Variants in PPP6R3 observed in about 807,000 individuals in gnomAD.
PPP6R3 encodes serine/threonine-protein phosphatase 6 regulatory subunit 3.
In PPP6R3, 38 loss-of-function variants were observed where a neutral mutation model predicts 110.7. That is an observed-to-expected ratio of 0.34 (90% CI 0.26 to 0.45). PPP6R3 has a LOEUF of 0.45. PPP6R3 is among the 20% of genes least tolerant of loss of function. The probability of loss-of-function intolerance (pLI) is 1.00; values close to 1 mark genes in which losing one functional copy is unlikely to be tolerated. For synonymous variants in PPP6R3, 369 were observed against 373.5 expected (o/e 0.99, Z 0.14); for missense variants, 870 against 1,062.4 (o/e 0.82, Z 2.52).
At chr11:68,576,476 C>T (rs1433655917) in intron 14 of PPP6R3, among the ~76,000 whole-genome samples, 2 of 152,116 alleles carry the variant, frequency 1.3e-5, no homozygotes. Context: ...ACATCATTCC[C>T]AATGGGGGAA....
chr11:68,572,577 C>T (rs1017865795), intron 12 of PPP6R3, among the ~76,000 whole-genome samples: 6 of 152,100 alleles, frequency 3.9e-5, no homozygotes, highest in South Asian at 2.1e-4. Context: ...TGGCCAGGCA[C>T]GGTGGGAGAT....
At chr11:68,553,141 C>T (rs999316251) in intron 6 of PPP6R3, among the ~76,000 whole-genome samples, 2 of 152,146 alleles carry the variant, frequency 1.3e-5, no homozygotes, top group African/African-American at 4.8e-5. Flanking sequence ...GCACATTGCT[C>T]AGTCTTTGAG....
intron 12 of PPP6R3, among the ~76,000 whole-genome samples, chr11:68,572,892 C>T (rs1006570469): frequency 1.3e-5 from 2 of 151,348 alleles, no homozygotes; most frequent in Non-Finnish European, 2.9e-5. Context: ...CCCAAGCCCT[C>T]TAAGATTCTC....
intron 1 of PPP6R3, among the ~76,000 whole-genome samples, chr11:68,463,096 G>A (rs568575123): frequency 3.9e-5 from 6 of 152,204 alleles, no homozygotes; most frequent in African/African-American, 1.4e-4. Context: ...AGCTTTGGCC[G>A]GGCGCAGTGG....
chr11:68,482,409 CAAAAA>C (rs145649371), intron 1 of PPP6R3, among the ~76,000 whole-genome samples: 4 of 67,602 alleles, frequency 5.9e-5, no homozygotes, highest in Non-Finnish European at 9.9e-5. Flanking sequence ...GTGAGACTGC[CAAAAA>C]AAAAAAAAAA....
In PPP6R3 at chr11:68,547,554, TGA is replaced by T. The variant is rs1362352798; in HGVS notation, c.415-512_415-511del. Among the ~76,000 whole-genome samples, 157 of 152,316 alleles carry T rather than the reference TGA, an allele frequency of 1.0e-3. 4 individuals carry two copies. Among genetic ancestry groups the T allele is most frequent in the Non-Finnish European group, 4.0e-4 (27 of 68,022 alleles). On this transcript the variant is annotated intron_variant, in intron 4 of 23. Coordinates refer to ENST00000393800, the MANE Select transcript of PPP6R3 (RefSeq NM_001164161.2). ...GTGCTAAGCTATTGGAGTAAATTGG[TGA>T]AGTCAAAATCAAAGGCGATGTTTGT... is the stretch of plus-strand genomic sequence containing the variant.
intron 2 of PPP6R3, among the ~76,000 whole-genome samples, chr11:68,532,171 T>A (rs1031247659): frequency 3.3e-5 from 5 of 152,202 alleles, no homozygotes; most frequent in African/African-American, 1.2e-4. Context: ...TGGCCTCAGA[T>A]TTTGAAAGGC....
At chr11:68,494,607 A>G (rs1014204977) in intron 1 of PPP6R3, among the ~76,000 whole-genome samples, 1 of 152,126 alleles carries the variant, frequency 6.6e-6, no homozygotes, top group Non-Finnish European at 1.5e-5. Flanking sequence ...AAAAAGCTAA[A>G]TATTAAATAT....
chr11:68,532,462 C>G (rs1428455576), intron 2 of PPP6R3, among the ~76,000 whole-genome samples: 1 of 152,212 alleles, frequency 6.6e-6, no homozygotes, highest in Non-Finnish European at 1.5e-5. Flanking sequence ...TTACAAAAAA[C>G]TCTAGGATTT....
rs185551731 is a variant in PPP6R3, at chr11:68,486,582, C to T, written c.-158+25755C>T. Among the ~76,000 whole-genome samples the T allele has an allele frequency of 6.9e-3, 901 of 129,774 alleles. 7 individuals carry two copies. The highest frequency in any genetic ancestry group is 9.8e-3 in the Non-Finnish European group (635 of 64,510). 85.1% of individuals were successfully genotyped at this position (129,774 alleles called of 152,430 possible). On this transcript the variant is annotated intron_variant, in intron 1 of 23. Coordinates refer to ENST00000393800, the MANE Select transcript of PPP6R3 (RefSeq NM_001164161.2). ...ATCACGCCCTGCACTCCAGCCTGGG[C>T]GACAGAGCAAGACTCTGTCTTAAAA... is the stretch of plus-strand genomic sequence containing the variant.
At chr11:68,562,121 A>G (rs2099427341) in intron 8 of PPP6R3, among the ~76,000 whole-genome samples, 1 of 152,166 alleles carries the variant, frequency 6.6e-6, no homozygotes, top group African/African-American at 2.4e-5. Context: ...TGAAGTCAGC[A>G]CTCAAAAGTT....
chr11:68,519,223 A>G (rs967636277), intron 1 of PPP6R3, among the ~76,000 whole-genome samples: 1 of 152,206 alleles, frequency 6.6e-6, no homozygotes, highest in African/African-American at 2.4e-5. Flanking sequence ...AGGTAAGAAT[A>G]TGTATTTTTC....
At chr11:68,466,134 G>A (rs937755519) in intron 1 of PPP6R3, among the ~76,000 whole-genome samples, 1 of 152,070 alleles carries the variant, frequency 6.6e-6, no homozygotes, top group African/African-American at 2.4e-5. Context: ...AGTGGGAGGG[G>A]GTGTTTCTCC....
intron 15 of PPP6R3, chr11:68,587,575 A>G: frequency 2.9e-6 from 1 of 340,302 alleles, no homozygotes; most frequent in Non-Finnish European, 5.6e-6. Flanking sequence ...TTGTGTCCAG[A>G]GGTGACTGAT....
At chr11:68,466,752 A>G (rs1202376788) in intron 1 of PPP6R3, among the ~76,000 whole-genome samples, 1 of 152,174 alleles carries the variant, frequency 6.6e-6, no homozygotes, top group East Asian at 1.9e-4. Flanking sequence ...AGCTGGGACT[A>G]CAGGTGCCTG....
Position 68,613,075 on chromosome 11 carries a change from A to T in PPP6R3, c.2580A>T (p.Gln860His), listed in dbSNP as rs778455095. 14 of 1,614,002 alleles carry T rather than the reference A, an allele frequency of 8.7e-6. No individual in the cohort carries two copies. Among genetic ancestry groups the T allele is most frequent in the Admixed American group, 8.3e-5 (5 of 59,998 alleles). Residue 860 changes from glutamine (Q) to histidine (H), a missense_variant, in exon 24 of 24, where the codon CAA becomes CAT. By Grantham distance (24) the Gln-to-His change is conservative. Coordinates refer to ENST00000393800, the MANE Select transcript of PPP6R3 (RefSeq NM_001164161.2). ...GTCTGTTGCTCCTTAGGACTGGCCA[A>T]CCAAGCGCACCAGGTGACACTTCAG... ...PSSSPEQRTG[Q>H]PSAPGDTSVN...
At chr11:68,591,427 T>C in intron 17 of PPP6R3, 149 bp from the exon 18 acceptor site, 3 of 658,196 alleles carry the variant, frequency 4.6e-6, no homozygotes, top group Non-Finnish European at 7.1e-6. Context: ...CAGAAACTAA[T>C]GTTAGGTGTT....
intron 3 of PPP6R3, among the ~76,000 whole-genome samples, chr11:68,543,998 C>T (rs1372099247): frequency 2.0e-5 from 3 of 152,190 alleles, no homozygotes; most frequent in Non-Finnish European, 2.9e-5. Context: ...AGCCGTGGGC[C>T]TTCTACAGGA....
intron 1 of PPP6R3, chr11:68,505,295 T>C (rs546399783): frequency 1.8e-4 from 28 of 152,298 alleles, no homozygotes; most frequent in African/African-American, 6.7e-4. Flanking sequence ...ATTACATTAC[T>C]ACTGTTTGAA....
Sources: gnomAD v4.1 joint callset for allele counts (sites outside exome capture counted in the v4.1 genomes callset) on GRCh38, gnomAD v4.1.1 for gene constraint, MANE v1.5 for transcripts, NCBI Gene and HGNC (gene_info 2026-07-23, HGNC 2026-07-21) for gene names.